Variants in PIEZO2 observed in about 807,000 individuals in gnomAD.
PIEZO2 encodes piezo type mechanosensitive ion channel component 2, also known as piezo-type mechanosensitive ion channel component 2.
PIEZO2 carries 172 observed loss-of-function variants against 337.3 expected under a neutral mutation model. The ratio of observed to expected loss-of-function variants is 0.51; its 90% CI spans 0.45 to 0.58. PIEZO2 has a LOEUF of 0.58. PIEZO2 is among the 20% of genes least tolerant of loss of function. The pLI, the probability that PIEZO2 is intolerant of heterozygous loss-of-function variation, is 0.00. For missense variants in PIEZO2, 3,028 were observed against 3,391.3 expected, an observed-to-expected ratio of 0.89 and a Z score of 2.66; for synonymous variants, 1,251 against 1,228.5, an observed-to-expected ratio of 1.02 and a Z score of -0.38.
rs1290199107 is a variant in PIEZO2, at chr18:10,783,719, G to A, written c.2492+1065C>T. 1.3e-5 allele frequency among the ~76,000 whole-genome samples: 2 copies of A among 152,142 alleles called. No homozygotes were observed. The highest frequency in any genetic ancestry group is 4.1e-4 in the South Asian group (2 of 4,822). On this transcript the variant is annotated intron_variant, in intron 17 of 55. Coordinates refer to ENST00000674853, the MANE Select transcript of PIEZO2 (RefSeq NM_001378183.1). This position sits in a 1 kb window ranked among gnomAD's most constrained non-coding sequence, Gnocchi z 4.3. Reference sequence around the variant, plus strand: ...GATACCTCTTGGTTCCATGGGTTACGAGTCATCTGAAGTATCAGAATGATA... The same window carrying A: ...GATACCTCTTGGTTCCATGGGTTACAAGTCATCTGAAGTATCAGAATGATA...
intron 33 of PIEZO2, chr18:10,740,300 T>A (rs1211154708): frequency 6.6e-6 from 1 of 152,388 alleles, no homozygotes; most frequent in East Asian, 1.9e-4. Context: ...CACTGCATTC[T>A]ATGTGGCTAT....
chr18:10,933,831 G>C lies in PIEZO2; in HGVS notation c.287-22603C>G, dbSNP rs370790283. Among the ~76,000 whole-genome samples the C allele has an allele frequency of 4.3e-4, 66 of 152,314 alleles. 2 individuals carry two copies. Among genetic ancestry groups the C allele is most frequent in the South Asian group, 2.5e-3 (12 of 4,824 alleles). On this transcript the variant is annotated intron_variant, in intron 3 of 55. Coordinates refer to ENST00000674853, the MANE Select transcript of PIEZO2 (RefSeq NM_001378183.1). ...TCTCCCAAACTGTTCTCATGGTAGT[G>C]AATAAGTCTCAAGAGATCTGATGGT...
chr18:10,831,759 G>A (rs904800516), intron 7 of PIEZO2, among the ~76,000 whole-genome samples: 4 of 152,224 alleles, frequency 2.6e-5, no homozygotes, highest in African/African-American at 9.6e-5. Flanking sequence ...AATATCTCAT[G>A]TACCCCATAC....
intron 18 of PIEZO2, among the ~76,000 whole-genome samples, chr18:10,779,281 G>T (rs980116919): frequency 1.3e-5 from 2 of 152,156 alleles, no homozygotes; most frequent in Admixed American, 6.5e-5. Context: ...ATCTTTTGAA[G>T]AATTATTTTG....
At chr18:11,068,473 A>G (rs1240756858) in intron 1 of PIEZO2, among the ~76,000 whole-genome samples, 1 of 152,224 alleles carries the variant, frequency 6.6e-6, no homozygotes, top group African/African-American at 2.4e-5. Flanking sequence ...GGAGATTAGA[A>G]AATACCTTGG....
At chr18:10,685,321 C>G (rs1013625663) in intron 49 of PIEZO2, among the ~76,000 whole-genome samples, 4 of 152,294 alleles carry the variant, frequency 2.6e-5, no homozygotes, top group Admixed American at 2.0e-4. Flanking sequence ...ATATCACCTC[C>G]CACTTACCTA....
intron 2 of PIEZO2, among the ~76,000 whole-genome samples, chr18:11,051,707 G>C (rs1474176023): frequency 2.6e-5 from 4 of 152,190 alleles, no homozygotes; most frequent in Admixed American, 6.5e-5. Flanking sequence ...CTCAGACTGC[G>C]GCCACTTTAC....
In PIEZO2 at chr18:11,131,515, C is replaced by T. The variant is rs111888014; in HGVS notation, c.64+17010G>A. Among the ~76,000 whole-genome samples the T allele has an allele frequency of 7.1e-3, 1,085 of 152,318 alleles. 14 individuals carry two copies. Among genetic ancestry groups the T allele is most frequent in the Middle Eastern group, 0.02 (6 of 294 alleles). On this transcript the variant is annotated intron_variant, in intron 1 of 55. Coordinates refer to ENST00000674853, the MANE Select transcript of PIEZO2 (RefSeq NM_001378183.1). This position sits in a 1 kb window ranked among gnomAD's most constrained non-coding sequence, Gnocchi z 5.3. ...AACATGGACAGCTGCAGCACTACAG[C>T]CCCTTTCTAGGAAATCCTTGAAGGA... is the stretch of plus-strand genomic sequence containing the variant.
rs564796628 is a variant in PIEZO2, at chr18:10,746,763, C to T, written c.4424+1708G>A. 1.3e-5 allele frequency among the ~76,000 whole-genome samples: 2 copies of T among 152,284 alleles called. No homozygotes were observed. The highest frequency in any genetic ancestry group is 6.5e-5 in the Admixed American group (1 of 15,296). On this transcript the variant is annotated intron_variant, in intron 30 of 55. Transcript: ENST00000674853. The surrounding 1 kb of genome is among the most constrained non-coding windows in gnomAD (Gnocchi z 4.2). ...AAAATAGGATGCAGTGGGAAGATGGCCATCTATGAGGAAGTGGGCCCTCGG... is the reference window on the plus strand; with the variant it reads ...AAAATAGGATGCAGTGGGAAGATGGTCATCTATGAGGAAGTGGGCCCTCGG...
Position 10,773,511 on chromosome 18 carries a change from A to T in PIEZO2, c.2686T>A (p.Ser896Thr), listed in dbSNP as rs1001732897. Residue 896 changes from serine to threonine, a missense_variant, in exon 20 of 56, where the codon TCT (serine) becomes ACT (threonine). By Grantham distance (58) the Ser-to-Thr change is moderately conservative. Around this residue, in one of 5 missense-constraint regions of PIEZO2, gnomAD observed 1,925 missense variants for 2,051.9 expected, o/e 0.94. Transcript: ENST00000674853. The surrounding 1 kb of genome is among the most constrained non-coding windows in gnomAD (Gnocchi z 5.3). ...EPGEEKLEGY[S>T]EKAQKGDLGK... ...AGATCACCCTTCTGGGCTTTTTCAG[A>T]GTAGCCCTCAAGCTTCTCCTCCCCA... 1.6e-5 allele frequency: 24 copies of T among 1,537,212 alleles called. No individual in the cohort carries two copies. The highest frequency in any genetic ancestry group is 2.0e-5 in the Non-Finnish European group (23 of 1,146,954).
chr18:10,941,956 G>A (rs1315139018), intron 3 of PIEZO2, among the ~76,000 whole-genome samples: 1 of 152,124 alleles, frequency 6.6e-6, no homozygotes, highest in African/African-American at 2.4e-5. Flanking sequence ...TGATAGTGAA[G>A]GGGTCTCACG....
At chr18:11,084,028 T>A (rs1282129014) in intron 1 of PIEZO2, among the ~76,000 whole-genome samples, 2 of 151,628 alleles carry the variant, frequency 1.3e-5, no homozygotes, top group East Asian at 3.9e-4. Context: ...AATACAAAAA[T>A]TAGCCAGGTG....
chr18:10,839,274 A>C (rs756070589), intron 7 of PIEZO2, among the ~76,000 whole-genome samples: 1 of 152,246 alleles, frequency 6.6e-6, no homozygotes, highest in Non-Finnish European at 1.5e-5. Context: ...GAAAACTCTA[A>C]AGAAAAAGCA....
chr18:10,845,357 T>C (rs2041325207), intron 7 of PIEZO2, among the ~76,000 whole-genome samples: 1 of 152,124 alleles, frequency 6.6e-6, no homozygotes, highest in South Asian at 2.1e-4. Flanking sequence ...AGGATGGTGG[T>C]TAGGCTTTTA....
At chr18:10,802,460 T>C (rs1333191494) in intron 9 of PIEZO2, among the ~76,000 whole-genome samples, 2 of 152,168 alleles carry the variant, frequency 1.3e-5, no homozygotes, top group African/African-American at 4.8e-5. Context: ...ACCCATTGTG[T>C]GTTAGTATAA....
chr18:10,996,440 G>A (rs2035323345), intron 2 of PIEZO2, among the ~76,000 whole-genome samples: 1 of 152,090 alleles, frequency 6.6e-6, no homozygotes, highest in African/African-American at 2.4e-5. Flanking sequence ...GCAATTATTT[G>A]GAAGTAAATA....
At chr18:11,107,628 ACT>A (rs2039606559) in intron 1 of PIEZO2, among the ~76,000 whole-genome samples, 1 of 152,220 alleles carries the variant, frequency 6.6e-6, no homozygotes, top group Non-Finnish European at 1.5e-5. Flanking sequence ...AAACACTGAG[ACT>A]CACGTTTAAT....
At chr18:10,768,809 T>C (rs2038472825) in intron 21 of PIEZO2, among the ~76,000 whole-genome samples, 2 of 152,214 alleles carry the variant, frequency 1.3e-5, no homozygotes, top group African/African-American at 4.8e-5. Context: ...GAAAAAGTTA[T>C]GTCTGCCTTT....
chr18:10,927,386 G>A (rs72865347), intron 3 of PIEZO2, among the ~76,000 whole-genome samples: 3 of 152,290 alleles, frequency 2.0e-5, no homozygotes, highest in Non-Finnish European at 4.4e-5. Context: ...CTGTTTAAAG[G>A]AGACAGGTTG....
Sources: gnomAD v4.1 joint callset for allele counts (sites outside exome capture counted in the v4.1 genomes callset) on GRCh38, gnomAD v4.1.1 for gene constraint, gnomAD v4.1.1 regional missense constraint, Gnocchi (gnomAD v3.1) non-coding constraint, MANE v1.5 for transcripts, NCBI Gene and HGNC (gene_info 2026-07-23, HGNC 2026-07-21) for gene names.